Variants in FAM83B observed in about 807,000 individuals in gnomAD.
The protein encoded by FAM83B is protein FAM83B.
In FAM83B, 26 loss-of-function variants were observed where a neutral mutation model predicts 38.8. The observed-to-expected ratio is 0.67, with a 90% CI of 0.49 to 0.93. The LOEUF (loss-of-function observed/expected upper bound fraction) is 0.93, where lower values mean the gene tolerates loss of function less well. Ranked by LOEUF, FAM83B falls within the 40% of genes least tolerant of loss-of-function variation. The probability of loss-of-function intolerance (pLI) is 0.00; values close to 1 mark genes in which losing one functional copy is unlikely to be tolerated. For synonymous variants in FAM83B, 419 were observed against 423.1 expected, an observed-to-expected ratio of 0.99 and a Z score of 0.12; for missense variants, 1,237 against 1,197.3, an observed-to-expected ratio of 1.03 and a Z score of -0.49.
At chr6:54,936,978 G>A (rs934883639) in intron 4 of FAM83B, among the ~76,000 whole-genome samples, 1 of 146,162 alleles carries the variant, frequency 6.8e-6, no homozygotes. Context: ...ATAAAATTAA[G>A]CATATCCAAA....
chr6:54,865,072 A>G (rs1771668262), intron 1 of FAM83B, among the ~76,000 whole-genome samples: 1 of 152,252 alleles, frequency 6.6e-6, no homozygotes, highest in Non-Finnish European at 1.5e-5. Flanking sequence ...GAAGGTTTCA[A>G]AATAAAAGCA....
intron 2 of FAM83B, among the ~76,000 whole-genome samples, chr6:54,884,698 C>T (rs2816812): frequency 0.65 from 97,722 of 151,490 alleles, 33,465 homozygotes; most frequent in East Asian, 0.89. Context: ...CATTGATTTA[C>T]TTATCATTGC....
At chr6:54,900,899 T>C (rs533686799) in intron 2 of FAM83B, among the ~76,000 whole-genome samples, 1 of 152,316 alleles carries the variant, frequency 6.6e-6, no homozygotes, top group East Asian at 1.9e-4. Context: ...GTGTATCCAA[T>C]AAATAACAGC....
chr6:54,916,374 G>A (rs1238704874), intron 2 of FAM83B, among the ~76,000 whole-genome samples: 1 of 151,696 alleles, frequency 6.6e-6, no homozygotes, highest in Non-Finnish European at 1.5e-5. Flanking sequence ...GAGGTCTCAG[G>A]GAGAATTTTT....
rs757147227 is a variant in FAM83B, at chr6:54,939,692, ATT to A, written c.735-8_735-7del. 6.5e-7 allele frequency: 1 copy of A among 1,545,134 alleles called. No individual in the cohort carries two copies. The highest frequency in any genetic ancestry group is 1.4e-5 in the African/African-American group (1 of 71,846). The stretch of plus-strand genomic sequence containing the variant: ...TCTTTTAAATGATTAAAATTTTTCC[ATT>A]TTTTTCCCCAGTTATATGTGGTCAT... On this transcript the variant is annotated splice_polypyrimidine_tract_variant and intron_variant, in intron 4 of 4. Transcript: ENST00000306858.
chr6:54,930,191 G>A (rs2127589507), intron 4 of FAM83B, among the ~76,000 whole-genome samples: 1 of 152,220 alleles, frequency 6.6e-6, no homozygotes, highest in East Asian at 1.9e-4. Flanking sequence ...GATCACTGAT[G>A]AGCCATAGAG....
chr6:54,925,339 A>G (rs1172041646), intron 2 of FAM83B, among the ~76,000 whole-genome samples: 1 of 151,970 alleles, frequency 6.6e-6, no homozygotes, highest in Non-Finnish European at 1.5e-5. Context: ...GTCTTCCCCC[A>G]CTAGAATGTA....
In FAM83B at chr6:54,857,969, T is replaced by C. The variant is rs111882759; in HGVS notation, c.-61+11143T>C. ...TTGGAAATTAACTCAGGATGTTAGG[T>C]GTAAAGAAAGAAAACCTGTTGGATA... is the stretch of plus-strand genomic sequence containing the variant. On this transcript the variant is annotated intron_variant, in intron 1 of 4. Transcript: ENST00000306858. 3.5e-3 allele frequency among the ~76,000 whole-genome samples: 534 copies of C among 152,056 alleles called. 2 individuals are homozygous for C. Among genetic ancestry groups the C allele is most frequent in the Non-Finnish European group, 6.6e-3 (451 of 67,976 alleles).
chr6:54,889,772 T>C (rs1056037366), intron 2 of FAM83B, among the ~76,000 whole-genome samples: 2 of 152,106 alleles, frequency 1.3e-5, no homozygotes, highest in African/African-American at 4.8e-5. Flanking sequence ...ATTTTCTTCA[T>C]AAACTTAGAG....
At chr6:54,921,629 A>C (rs1333752057) in intron 2 of FAM83B, among the ~76,000 whole-genome samples, 1 of 152,054 alleles carries the variant, frequency 6.6e-6, no homozygotes, top group East Asian at 1.9e-4. Context: ...ACATAATTTA[A>C]GAAATATATA....
intron 1 of FAM83B, among the ~76,000 whole-genome samples, chr6:54,868,162 G>A (rs1423830430): frequency 6.6e-6 from 1 of 152,150 alleles, no homozygotes; most frequent in East Asian, 1.9e-4. Flanking sequence ...TTAGTGGCAT[G>A]ATATCATGAA....
chr6:54,940,089 G>A lies in FAM83B; in HGVS notation c.1118G>A (p.Arg373His), dbSNP rs146630019. 323 of 1,613,836 alleles carry A rather than the reference G, an allele frequency of 2.0e-4. No homozygotes were observed. Among genetic ancestry groups the A allele is most frequent in the Admixed American group, 3.2e-4 (19 of 59,946 alleles). Residue 373 changes from arginine to histidine, a missense_variant, in exon 5 of 5, where the codon CGT (arginine) becomes CAT (histidine). Transcript: ENST00000306858. ...VPNFNGPNAI[R>H]QFQPNQINEN... ...AACTTTAATGGTCCAAACGCAATAC[G>A]TCAGTTTCAACCCAATCAGATAAAT...
intron 1 of FAM83B, among the ~76,000 whole-genome samples, chr6:54,849,560 T>A (rs926018952): frequency 1.3e-5 from 2 of 151,844 alleles, no homozygotes; most frequent in Non-Finnish European, 2.9e-5. Context: ...GGGGCTGTGA[T>A]GCTGTAAGGA....
intron 1 of FAM83B, among the ~76,000 whole-genome samples, chr6:54,850,882 G>A (rs995060233): frequency 1.3e-5 from 2 of 151,886 alleles, no homozygotes; most frequent in African/African-American, 4.8e-5. Flanking sequence ...GGCCAGGCGT[G>A]GTGGCGGGTG....
intron 2 of FAM83B, among the ~76,000 whole-genome samples, chr6:54,903,867 G>T: frequency 6.6e-6 from 1 of 150,730 alleles, no homozygotes. Flanking sequence ...GGCAAATATT[G>T]GAATCGTTGC....
At position 54,941,902 on chromosome 6, in the gene FAM83B, A is replaced by G. The variant is rs370545129; in HGVS notation, c.2931A>G (p.Pro977=). The G allele has an allele frequency of 4.3e-6, 7 of 1,614,020 alleles. No individual in the cohort carries two copies. The highest frequency in any genetic ancestry group is 5.9e-6 in the Non-Finnish European group (7 of 1,179,952). The change falls in exon 5 of 5, where the codon CCA becomes CCG. Residue 977 remains proline, a synonymous_variant. Transcript: ENST00000306858. Reference sequence around the variant, plus strand: ...GCAACAGTTATGGCAGGTCTAGTCCATTGCTTAATTACAACACTGGTGTTT... The same window carrying G: ...GCAACAGTTATGGCAGGTCTAGTCCGTTGCTTAATTACAACACTGGTGTTT... ...TMGNSYGRSS[P]LLNYNTGVYR...
intron 1 of FAM83B, among the ~76,000 whole-genome samples, chr6:54,868,676 C>A (rs1771773844): frequency 6.6e-6 from 1 of 152,068 alleles, no homozygotes; most frequent in African/African-American, 2.4e-5. Flanking sequence ...ATGCTGCCAT[C>A]CCCAAAGTTC....
At position 54,922,131 on chromosome 6, in the gene FAM83B, A is replaced by G. The variant is rs190893254; in HGVS notation, c.445-4240A>G. Among the ~76,000 whole-genome samples, 221 of 152,184 alleles carry G rather than the reference A, an allele frequency of 1.5e-3. 4 individuals carry two copies. The highest frequency in any genetic ancestry group is 2.3e-3 in the Non-Finnish European group (155 of 67,942). On this transcript the variant is annotated intron_variant, in intron 2 of 4. Transcript: ENST00000306858. ...TGTCATTTGTTCTGCATTTAGTGTG[A>G]CAGAAACATCCATTGGCTGAGTGAC...
intron 2 of FAM83B, among the ~76,000 whole-genome samples, chr6:54,894,724 A>G (rs892152074): frequency 6.6e-6 from 1 of 152,176 alleles, no homozygotes; most frequent in Admixed American, 6.5e-5. Context: ...GGAAAGGGTA[A>G]CAGGCCCTTA....
Sources: allele counts gnomAD v4.1 joint callset (sites outside exome capture counted in the v4.1 genomes callset), GRCh38; gene constraint gnomAD v4.1.1; transcripts MANE v1.5; gene names NCBI Gene and HGNC (gene_info 2026-07-23, HGNC 2026-07-21).